Variants in OR10K1 observed in about 807,000 individuals in gnomAD.
OR10K1 encodes olfactory receptor family 10 subfamily K member 1.
For missense variants in OR10K1, 404 were observed against 373.3 expected, an observed-to-expected ratio of 1.08 and a Z score of -0.68; for synonymous variants, 186 against 152.5, an observed-to-expected ratio of 1.22 and a Z score of -1.62.
At chr1:158,464,973 G>A (rs979912857) in intron 1 of OR10K1, among the ~76,000 whole-genome samples, 1 of 152,228 alleles carries the variant, frequency 6.6e-6, no homozygotes, top group Middle Eastern at 3.4e-3. Context: ...TTTCACTGTT[G>A]ACTCAATGTT....
chr1:158,466,550 C>T lies in OR10K1; in HGVS notation c.*47C>T, dbSNP rs182560794. On this transcript the variant is annotated 3_prime_UTR_variant, in exon 2 of 2. Coordinates refer to ENST00000641535, the MANE Select transcript of OR10K1 (RefSeq NM_001004473.2). ...AATGCCTAGTACATGCCAGGCAGAA[C>T]GTGTGTTTTATACATTTTTTTTCAT... is the stretch of plus-strand genomic sequence containing the variant. The T allele has an allele frequency of 9.9e-5, 115 of 1,166,860 alleles. No individual in the cohort carries two copies. Among genetic ancestry groups the T allele is most frequent in the Middle Eastern group, 4.0e-4 (2 of 5,048 alleles). The allele number at this position is 1,166,860 out of a possible 1,614,324, so 72.3% of individuals were successfully genotyped here.
intron 1 of OR10K1, among the ~76,000 whole-genome samples, chr1:158,463,708 T>G (rs1655973732): frequency 6.6e-6 from 1 of 152,208 alleles, no homozygotes; most frequent in Non-Finnish European, 1.5e-5. Context: ...TGACCATAAG[T>G]TTAGATTTCC....
rs1656016301 is a variant in OR10K1 at position 158,465,575 on chromosome 1, A to G, written c.14A>G (p.Asn5Ser). Residue 5 changes from asparagine to serine, a missense_variant, in exon 2 of 2, where the codon AAT becomes AGT. By Grantham distance (46) the Asn-to-Ser change is conservative. Transcript: ENST00000641535. ...GAAGTGCTCTCCATGGAGCAAGTCA[A>G]TAAGACTGTGGTGAGAGAGTTCGTC... is the stretch of plus-strand genomic sequence containing the variant. MEQVNKTVVREFVVL... is the reference protein window; with the variant it reads MEQVSKTVVREFVVL... The G allele has an allele frequency of 1.9e-6, 3 of 1,613,936 alleles. No homozygotes were observed. The highest frequency in any genetic ancestry group is 2.5e-6 in the Non-Finnish European group (3 of 1,179,932).
chr1:158,461,889 A>C lies in OR10K1; in HGVS notation c.-172A>C, dbSNP rs1655925340. On this transcript the variant is annotated 5_prime_UTR_variant, in exon 1 of 2. Coordinates refer to ENST00000641535, the MANE Select transcript of OR10K1 (RefSeq NM_001004473.2). ...TCTTTCTGTGCCTCCCATGGAGATC[A>C]GTGATGGCATTTCTGGTAAGTAGCA... The C allele has an allele frequency of 6.6e-6, 1 of 152,268 alleles. No homozygotes were observed. Among genetic ancestry groups the C allele is most frequent in the African/African-American group, 2.4e-5 (1 of 41,432 alleles). 9.4% of individuals were successfully genotyped at this position (152,268 alleles called of 1,614,324 possible). A position where few individuals can be genotyped will look rare whatever the true frequency, so the allele number is the denominator to read the frequency against.
chr1:158,465,658 C>A lies in OR10K1; in HGVS notation c.97C>A (p.Leu33Ile). The change falls in exon 2 of 2, where the codon CTC (leucine) becomes ATC (isoleucine). Residue 33 changes from leucine (L) to isoleucine (I), a missense_variant. Leu to Ile is a conservative substitution (Grantham distance 5, BLOSUM62 2). Transcript: ENST00000641535. ...LQQLLFVIFLLLYLFTLGTNA... is the reference protein window; with the variant it reads ...LQQLLFVIFLILYLFTLGTNA... Reference sequence around the variant, plus strand: ...GCAGCTGCTCTTTGTTATCTTCCTGCTCCTCTACCTGTTCACTCTGGGCAC... The same window carrying A: ...GCAGCTGCTCTTTGTTATCTTCCTGATCCTCTACCTGTTCACTCTGGGCAC... The A allele has an allele frequency of 6.2e-7, 1 of 1,614,174 alleles. No homozygotes were observed. Among genetic ancestry groups the A allele is most frequent in the Non-Finnish European group, 8.5e-7 (1 of 1,180,034 alleles).
intron 1 of OR10K1, among the ~76,000 whole-genome samples, chr1:158,463,515 C>T (rs981981938): frequency 1.3e-4 from 20 of 152,206 alleles, no homozygotes; most frequent in Non-Finnish European, 2.6e-4. Flanking sequence ...ATAATCCAAA[C>T]AATTCTCTTT....
rs1656047543 is a variant in OR10K1 at position 158,466,510 on chromosome 1, AT to A, written c.*13del. 5.1e-6 allele frequency: 8 copies of A among 1,583,790 alleles called. No individual in the cohort carries two copies. The highest frequency in any genetic ancestry group is 1.3e-5 in the African/African-American group (1 of 74,144). ...TTTCTATCCTCTTAGTTAAAGAGCT[AT>A]TTTTTAAACTACTAATGCCTAGTAC... On this transcript the variant is annotated 3_prime_UTR_variant, in exon 2 of 2. Coordinates refer to ENST00000641535, the MANE Select transcript of OR10K1 (RefSeq NM_001004473.2).
At chr1:158,463,919 A>G (rs1404723395) in intron 1 of OR10K1, among the ~76,000 whole-genome samples, 1 of 152,216 alleles carries the variant, frequency 6.6e-6, no homozygotes, top group African/African-American at 2.4e-5. Flanking sequence ...CGTTATTAAA[A>G]TAAGTAATTA....
chr1:158,464,207 A>G (rs1277088378), intron 1 of OR10K1, among the ~76,000 whole-genome samples: 1 of 152,232 alleles, frequency 6.6e-6, no homozygotes, highest in Non-Finnish European at 1.5e-5. Context: ...ATGATTTTGT[A>G]TCCAGATAGT....
At chr1:158,463,203 C>A (rs552980001) in intron 1 of OR10K1, among the ~76,000 whole-genome samples, 42 of 152,200 alleles carry the variant, frequency 2.8e-4, no homozygotes, top group African/African-American at 1.0e-3. Flanking sequence ...AATCTTTTCA[C>A]ATCACCCTAA....
chr1:158,466,493 C>A lies in OR10K1; in HGVS notation c.932C>A (p.Pro311His). The change falls in exon 2 of 2, where the codon CCT becomes CAT. Residue 311 changes from proline to histidine, a missense_variant. Coordinates refer to ENST00000641535, the MANE Select transcript of OR10K1 (RefSeq NM_001004473.2). ...AGAACAATCGGCCAAACTTTCTATC[C>A]TCTTAGTTAAAGAGCTATTTTTTAA... ...LRRTIGQTFYPLS is the reference protein window; with the variant it reads ...LRRTIGQTFYHLS 6.2e-7 allele frequency: 1 copy of A among 1,611,000 alleles called. No homozygotes were observed. The highest frequency in any genetic ancestry group is 2.2e-5 in the East Asian group (1 of 44,848).
Position 158,465,660 on chromosome 1 carries a change from C to T in OR10K1, c.99C>T (p.Leu33=), listed in dbSNP as rs1036431397. 6 of 1,614,062 alleles carry T rather than the reference C, an allele frequency of 3.7e-6. No individual in the cohort carries two copies. In the Admixed American group the frequency reaches 8.3e-5, roughly 22 times the overall value. The change falls in exon 2 of 2, where the codon CTC becomes CTT. Residue 33 remains leucine, a synonymous_variant. Coordinates refer to ENST00000641535, the MANE Select transcript of OR10K1 (RefSeq NM_001004473.2). ...AGCTGCTCTTTGTTATCTTCCTGCTCCTCTACCTGTTCACTCTGGGCACCA... is the reference window on the plus strand; with the variant it reads ...AGCTGCTCTTTGTTATCTTCCTGCTTCTCTACCTGTTCACTCTGGGCACCA... ...LQQLLFVIFL[L]LYLFTLGTNA...
chr1:158,466,330 T>C lies in OR10K1; in HGVS notation c.769T>C (p.Phe257Leu). Residue 257 changes from phenylalanine (F) to leucine (L), a missense_variant, in exon 2 of 2, where the codon TTC (phenylalanine) becomes CTC (leucine). Phe to Leu is a conservative substitution (Grantham distance 22). Transcript: ENST00000641535. Reference protein sequence around the residue: ...VVTVHYSCASFIYLRPKTNYT... With the variant: ...VVTVHYSCASLIYLRPKTNYT... The stretch of plus-strand genomic sequence containing the variant: ...AACTGTTCACTACAGTTGTGCCTCT[T>C]TCATCTACTTAAGGCCCAAGACTAA... 1 of 1,614,100 alleles carries C rather than the reference T, an allele frequency of 6.2e-7. No homozygotes were observed.
chr1:158,465,022 C>T (rs1266782105), intron 1 of OR10K1, among the ~76,000 whole-genome samples: 1 of 152,120 alleles, frequency 6.6e-6, no homozygotes, highest in Non-Finnish European at 1.5e-5. Flanking sequence ...CTTATTGTTC[C>T]CTTGGAGATA....
intron 1 of OR10K1, among the ~76,000 whole-genome samples, chr1:158,463,195 T>A (rs9651044): frequency 0.027 from 4,136 of 152,226 alleles, 199 homozygotes; most frequent in African/African-American, 0.095. Flanking sequence ...GAAACCTAAA[T>A]CTTTTCACAT....
At chr1:158,462,677 A>T (rs1382380885) in intron 1 of OR10K1, among the ~76,000 whole-genome samples, 1 of 152,250 alleles carries the variant, frequency 6.6e-6, no homozygotes, top group Non-Finnish European at 1.5e-5. Context: ...AGCTGCTTAC[A>T]TAATTTCTCT....
chr1:158,465,811 G>T lies in OR10K1; in HGVS notation c.250G>T (p.Asp84Tyr), dbSNP rs1261462052. 6.2e-7 allele frequency: 1 copy of T among 1,614,078 alleles called. No individual in the cohort carries two copies. The highest frequency in any genetic ancestry group is 8.5e-7 in the Non-Finnish European group (1 of 1,180,038). ...TGTCATTGTACCCAAGATGCTGGTT[G>T]ACCTGCTGTCCCAGAAGAAGACCAT... ...TFVIVPKMLV[D>Y]LLSQKKTISF... The change falls in exon 2 of 2, where the codon GAC becomes TAC. Residue 84 changes from aspartate (D) to tyrosine (Y), a missense_variant. By Grantham distance (160) the Asp-to-Tyr change is radical. Transcript: ENST00000641535.
intron 1 of OR10K1, among the ~76,000 whole-genome samples, chr1:158,463,771 G>A (rs1655974575): frequency 1.3e-5 from 2 of 152,130 alleles, no homozygotes; most frequent in South Asian, 4.1e-4. Context: ...GTATTATGTA[G>A]GGAAACTTTT....
chr1:158,464,548 A>G (rs573538034), intron 1 of OR10K1, among the ~76,000 whole-genome samples: 2 of 152,298 alleles, frequency 1.3e-5, no homozygotes, highest in African/African-American at 4.8e-5. Context: ...AAATGCCACA[A>G]AGTCAGTCAT....
Sources: allele counts gnomAD v4.1 joint callset (sites outside exome capture counted in the v4.1 genomes callset), GRCh38; gene constraint gnomAD v4.1.1; transcripts MANE v1.5; gene names NCBI Gene and HGNC (gene_info 2026-07-23, HGNC 2026-07-21).